The following PUDP variants were observed in gnomAD, a reference collection of about 807,000 sequenced individuals.
PUDP encodes pseudouridine-5'-phosphatase.
PUDP carries 8 observed loss-of-function variants against 9.4 expected under a neutral mutation model. That is an observed-to-expected ratio of 0.85 (90% CI 0.50 to 1.53). The LOEUF is 1.53. PUDP is among the 40% of genes most tolerant of loss of function. The pLI is 0.00. For missense variants in PUDP, 188 were observed against 189.7 expected (o/e 0.99, Z 0.05); for synonymous variants, 99 against 80.7 (o/e 1.23, Z -1.22).
chrX:7,051,757 T>TC (rs1930106626), intron 3 of PUDP, among the ~76,000 whole-genome samples: 1 of 111,986 alleles, frequency 8.9e-6, no homozygotes, highest in Admixed American at 9.4e-5. Context: ...TCACCGACCC[T>TC]CTCAGGAAGA....
intron 1 of PUDP, among the ~76,000 whole-genome samples, chrX:7,135,931 A>G (rs1254091357): frequency 6.3e-5 from 7 of 111,446 alleles, no homozygotes; most frequent in Non-Finnish European, 1.3e-4. Context: ...AACCCAGGCA[A>G]ATCAGCAATA....
chrX:6,836,888 C>T (rs1193269105), intron 3 of PUDP, among the ~76,000 whole-genome samples: 1 of 112,079 alleles, frequency 8.9e-6, no homozygotes, highest in Non-Finnish European at 1.9e-5. Context: ...ACTGGAGGCT[C>T]AGAGAAGACA....
At chrX:6,917,863 T>C (rs1265167457) in intron 3 of PUDP, among the ~76,000 whole-genome samples, 2 of 111,631 alleles carry the variant, frequency 1.8e-5, no homozygotes, top group Non-Finnish European at 3.8e-5. Flanking sequence ...CAAAGAAAGG[T>C]CCGTGAGAAC....
intron 3 of PUDP, among the ~76,000 whole-genome samples, chrX:6,933,796 T>A (rs1229420270): frequency 9.0e-6 from 1 of 111,552 alleles, no homozygotes; most frequent in Non-Finnish European, 1.9e-5. Flanking sequence ...AAGGAGCTGA[T>A]GGAGCTGAAA....
chrX:7,101,532 C>A (rs1056410186), intron 2 of PUDP, among the ~76,000 whole-genome samples: 7 of 112,347 alleles, frequency 6.2e-5, no homozygotes, highest in Non-Finnish European at 1.1e-4. Flanking sequence ...ACTAGCACTC[C>A]AGCCAAACTA....
intron 1 of PUDP, among the ~76,000 whole-genome samples, chrX:7,112,711 G>C (rs1380762788): frequency 1.8e-5 from 2 of 111,709 alleles, no homozygotes; most frequent in Non-Finnish European, 3.8e-5. Context: ...GGTCTCACCT[G>C]AGTATAGTAG....
chrX:6,948,704 C>T (rs1472615381), intron 3 of PUDP, among the ~76,000 whole-genome samples: 1 of 111,985 alleles, frequency 8.9e-6, no homozygotes, highest in Non-Finnish European at 1.9e-5. Flanking sequence ...GTTTGCATAT[C>T]GTGTGTTCAG....
At chrX:6,963,492 G>A in intron 3 of PUDP, among the ~76,000 whole-genome samples, 1 of 111,888 alleles carries the variant, frequency 8.9e-6, no homozygotes, top group East Asian at 2.8e-4. Flanking sequence ...GGATGGAACT[G>A]AATTATAGGA....
chrX:6,772,984 C>T (rs1174172568), intron 3 of PUDP, among the ~76,000 whole-genome samples: 1 of 112,352 alleles, frequency 8.9e-6, no homozygotes, highest in Non-Finnish European at 1.9e-5. Flanking sequence ...CTTTCTTTTT[C>T]ATCTGGATAG....
chrX:7,030,839 G>T lies in PUDP; in HGVS notation c.204+46381C>A, dbSNP rs753341642. 8.1e-4 allele frequency among the ~76,000 whole-genome samples: 90 copies of T among 111,601 alleles called. 1 individual carries two copies. The highest frequency in any genetic ancestry group is 4.6e-3 in the Middle Eastern group (1 of 217). ...AGAGAGGGTTCTTGGATCTTGCCAA[G>T]AAAGAATTCAGGTCGAGTCCATAAA... On this transcript the variant is annotated intron_variant and NMD_transcript_variant, in intron 1 of 3. Coordinates refer to the PUDP transcript ENST00000655425.
chrX:7,115,820 G>A (rs758555923), intron 1 of PUDP, among the ~76,000 whole-genome samples: 1 of 112,610 alleles, frequency 8.9e-6, no homozygotes, highest in Non-Finnish European at 1.9e-5. Context: ...CACGCACGTG[G>A]CTGCAAGGGG....
chrX:6,947,546 G>A (rs940137610), intron 3 of PUDP, among the ~76,000 whole-genome samples: 7 of 111,930 alleles, frequency 6.3e-5, no homozygotes, highest in Non-Finnish European at 5.6e-5. Flanking sequence ...TAATCCCAAC[G>A]CTTTGAGAGG....
At chrX:7,111,129 C>T (rs1218196484) in intron 1 of PUDP, among the ~76,000 whole-genome samples, 1 of 111,310 alleles carries the variant, frequency 9.0e-6, no homozygotes, top group African/African-American at 3.3e-5. Flanking sequence ...GCCTCCTTTG[C>T]CCCTTTCTCC....
rs1931864340 is a variant in PUDP at position 7,105,815 on chromosome X, C to A, written c.85G>T (p.Val29Leu). 8.3e-7 allele frequency: 1 copy of A among 1,201,279 alleles called. No individual in the cohort carries two copies. The highest frequency in any genetic ancestry group is 1.1e-6 in the Non-Finnish European group (1 of 887,232). ...LLDTERLYSVVFQEICNRYDK... is the reference protein window; with the variant it reads ...LLDTERLYSVLFQEICNRYDK... ...TAGCGATTACATATTTCTTGAAACA[C>A]CACTGAATACAGCCGTTCAGTATCT... The change falls in exon 2 of 4, where the codon GTG (valine) becomes TTG (leucine). Residue 29 changes from valine (V) to leucine (L), a missense_variant. Coordinates refer to ENST00000381077, the MANE Select transcript of PUDP (RefSeq NM_012080.5).
chrX:7,105,191 AT>A (rs1348721615), intron 2 of PUDP, among the ~76,000 whole-genome samples: 2 of 108,500 alleles, frequency 1.8e-5, no homozygotes, highest in Admixed American at 2.0e-4. Context: ...TTTTTTTTTA[AT>A]TAAGCGTCTT....
At chrX:6,741,874 T>G (rs189024535) in intron 3 of PUDP, among the ~76,000 whole-genome samples, 5,392 of 108,826 alleles carry the variant, frequency 0.05, 152 homozygotes, top group African/African-American at 0.076. Context: ...CTTTCTTTCT[T>G]TGATGGAGTC....
chrX:6,818,657 T>C (rs1285885417), intron 3 of PUDP, among the ~76,000 whole-genome samples: 1 of 112,083 alleles, frequency 8.9e-6, no homozygotes, highest in African/African-American at 3.2e-5. Context: ...GTCTATATAG[T>C]GAATGCATCT....
At chrX:7,001,760 A>G (rs778304496) in intron 1 of PUDP, among the ~76,000 whole-genome samples, 3 of 111,742 alleles carry the variant, frequency 2.7e-5, no homozygotes, top group African/African-American at 9.7e-5. Context: ...TTATTTATAC[A>G]TACGGAAAAA....
intron 3 of PUDP, among the ~76,000 whole-genome samples, chrX:6,727,990 T>C (rs949859607): frequency 1.8e-5 from 2 of 111,853 alleles, no homozygotes; most frequent in African/African-American, 6.5e-5. Flanking sequence ...ATTTTCATGC[T>C]GCTAATAAAG....
Sources: gnomAD v4.1 joint callset for allele counts (sites outside exome capture counted in the v4.1 genomes callset) on GRCh38, gnomAD v4.1.1 for gene constraint, MANE v1.5 for transcripts, NCBI Gene and HGNC (gene_info 2026-07-23, HGNC 2026-07-21) for gene names.